The following AGTR1 variants were observed in gnomAD, a reference collection of about 807,000 sequenced individuals.
AGTR1 encodes angiotensin II receptor type 1.
AGTR1 carries 16 observed loss-of-function variants against 19.4 expected under a neutral mutation model. That is an observed-to-expected ratio of 0.82 (90% CI 0.56 to 1.25). The LOEUF is 1.25. Among genes scored for constraint, AGTR1 ranks in the 50% most tolerant of loss-of-function variants. AGTR1 has a pLI of 0.00. For missense variants in AGTR1, 373 were observed against 431.9 expected (o/e 0.86, Z 1.21); for synonymous variants, 153 against 154.9 (o/e 0.99, Z 0.09).
Position 148,741,891 on chromosome 3 carries a change from A to G in AGTR1, c.856A>G (p.Ile286Val), listed in dbSNP as rs1576542565. The G allele has an allele frequency of 6.2e-7, 1 of 1,614,182 alleles. No homozygotes were observed. Among genetic ancestry groups the G allele is most frequent in the Non-Finnish European group, 8.5e-7 (1 of 1,180,026 alleles). ...IADIVDTAMP[I>V]TICIAYFNNC... ...AGATATTGTGGACACGGCCATGCCTATCACCATTTGTATAGCTTATTTTAA... is the reference window on the plus strand; with the variant it reads ...AGATATTGTGGACACGGCCATGCCTGTCACCATTTGTATAGCTTATTTTAA... The change falls in exon 3 of 3, where the codon ATC becomes GTC. Residue 286 changes from isoleucine (I) to valine (V), a missense_variant. Physicochemically the swap from Ile to Val is conservative, Grantham distance 29. Coordinates refer to ENST00000349243, the MANE Select transcript of AGTR1 (RefSeq NM_000685.5).
Position 148,741,429 on chromosome 3 carries a change from C to A in AGTR1, c.394C>A (p.His132Asn), listed in dbSNP as rs773829709. The A allele has an allele frequency of 3.1e-6, 5 of 1,606,306 alleles. No homozygotes were observed. The highest frequency in any genetic ancestry group is 1.3e-5 in the African/African-American group (1 of 74,906). The change falls in exon 3 of 3, where the codon CAC becomes AAC. Residue 132 changes from histidine (H) to asparagine (N), a missense_variant. Coordinates refer to ENST00000349243, the MANE Select transcript of AGTR1 (RefSeq NM_000685.5). ...LSIDRYLAIVHPMKSRLRRTM... is the reference protein window; with the variant it reads ...LSIDRYLAIVNPMKSRLRRTM... The stretch of plus-strand genomic sequence containing the variant: ...CATTGATCGATACCTGGCTATTGTT[C>A]ACCCAATGAAGTCCCGCCTTCGACG...
At chr3:148,723,689 C>A (rs556704234) in intron 2 of AGTR1, among the ~76,000 whole-genome samples, 1 of 152,308 alleles carries the variant, frequency 6.6e-6, no homozygotes, top group East Asian at 1.9e-4. Flanking sequence ...CTGAAAGCTT[C>A]CTCAGACTGA....
intron 2 of AGTR1, among the ~76,000 whole-genome samples, chr3:148,734,609 G>C (rs989502751): frequency 3.3e-5 from 5 of 152,182 alleles, no homozygotes; most frequent in African/African-American, 9.7e-5. Flanking sequence ...TTTGCATTGA[G>C]AGAACTATTC....
intron 2 of AGTR1, among the ~76,000 whole-genome samples, chr3:148,736,847 G>C (rs1714595308): frequency 6.6e-6 from 1 of 152,216 alleles, no homozygotes; most frequent in South Asian, 2.1e-4. Context: ...GTAGGAAGAG[G>C]TGGATCCTCC....
intron 2 of AGTR1, 89 bp from the exon 3 acceptor site, chr3:148,740,900 T>G: frequency 1.7e-6 from 2 of 1,206,448 alleles, no homozygotes; most frequent in Non-Finnish European, 2.3e-6. Flanking sequence ...GTTGAGTTAC[T>G]ACGTTTATGA....
chr3:148,701,481 G>C (rs1450240903), intron 1 of AGTR1, among the ~76,000 whole-genome samples: 1 of 152,174 alleles, frequency 6.6e-6, no homozygotes, highest in Non-Finnish European at 1.5e-5. Context: ...TATAAATGCT[G>C]TATGATTACA....
intron 2 of AGTR1, among the ~76,000 whole-genome samples, chr3:148,710,873 T>C (rs982008113): frequency 6.6e-6 from 1 of 152,010 alleles, no homozygotes; most frequent in Non-Finnish European, 1.5e-5. Flanking sequence ...ATGAAAGAGT[T>C]CTTGCTCTGA....
At chr3:148,737,854 G>C (rs553344261) in intron 2 of AGTR1, among the ~76,000 whole-genome samples, 62 of 152,182 alleles carry the variant, frequency 4.1e-4, no homozygotes, top group African/African-American at 1.5e-3. Context: ...TTCTCATTAA[G>C]GTAATAATAC....
rs548136454 is a variant in AGTR1 at position 148,702,504 on chromosome 3, C to T, written c.-132+4377C>T. Among the ~76,000 whole-genome samples, 8 of 152,138 alleles carry T rather than the reference C, an allele frequency of 5.3e-5. No individual in the cohort carries two copies. In the East Asian group the frequency reaches 1.5e-3, roughly 29 times the overall value. ...GCCAAAGTATAAAAATGGTCTTTGC[C>T]GTAGAGAGATAGTAGTCAAGCTAAG... On this transcript the variant is annotated intron_variant, in intron 1 of 2. Transcript: ENST00000349243.
chr3:148,739,408 T>C (rs565146844), intron 2 of AGTR1, among the ~76,000 whole-genome samples: 4 of 150,736 alleles, frequency 2.7e-5, no homozygotes, highest in Admixed American at 1.3e-4. Flanking sequence ...GTCAAAGTGC[T>C]CAAAAAAGTT....
chr3:148,724,603 A>T (rs1346466872), intron 2 of AGTR1, among the ~76,000 whole-genome samples: 3 of 152,164 alleles, frequency 2.0e-5, no homozygotes, highest in Non-Finnish European at 2.9e-5. Context: ...TTGACCCATG[A>T]ATTTCTTTCT....
chr3:148,711,478 T>A (rs1034923089), intron 2 of AGTR1, among the ~76,000 whole-genome samples: 1 of 152,164 alleles, frequency 6.6e-6, no homozygotes, highest in Admixed American at 6.6e-5. Flanking sequence ...TGGAACCAGT[T>A]TGGAATTTTT....
At chr3:148,698,960 C>T (rs989407187) in intron 1 of AGTR1, among the ~76,000 whole-genome samples, 6 of 150,660 alleles carry the variant, frequency 4.0e-5, no homozygotes, top group African/African-American at 1.0e-4. Context: ...CTCAGCAATT[C>T]TTCCCCAAAG....
At position 148,741,324 on chromosome 3, in the gene AGTR1, G is replaced by A; in HGVS notation, c.289G>A (p.Gly97Ser). 6.2e-7 allele frequency: 1 copy of A among 1,609,806 alleles called. No homozygotes were observed. Among genetic ancestry groups the A allele is most frequent in the Non-Finnish European group, 8.5e-7 (1 of 1,179,950 alleles). Residue 97 changes from glycine (G) to serine (S), a missense_variant, in exon 3 of 3, where the codon GGC (glycine) becomes AGC (serine). Coordinates refer to ENST00000349243, the MANE Select transcript of AGTR1 (RefSeq NM_000685.5). ...YTAMEYRWPF[G>S]NYLCKIASAS... is the part of the protein sequence containing the mutation. ...AGCTATGGAATACCGCTGGCCCTTTGGCAATTACCTATGTAAGATTGCTTC... is the reference window on the plus strand; with the variant it reads ...AGCTATGGAATACCGCTGGCCCTTTAGCAATTACCTATGTAAGATTGCTTC...
chr3:148,728,578 T>A (rs145381192), intron 2 of AGTR1, among the ~76,000 whole-genome samples: 1 of 152,168 alleles, frequency 6.6e-6, no homozygotes, highest in Non-Finnish European at 1.5e-5. Flanking sequence ...CAGCATCTGA[T>A]AAGTAGTTAA....
chr3:148,741,757 T>C lies in AGTR1; in HGVS notation c.722T>C (p.Ile241Thr), dbSNP rs1278671622. ...CCAAGAAATGATGATATTTTTAAGA[T>C]AATTATGGCAATTGTGCTTTTCTTT... The part of the protein sequence containing the change: ...NKPRNDDIFK[I>T]IMAIVLFFFF... The change falls in exon 3 of 3, where the codon ATA becomes ACA. Residue 241 changes from isoleucine to threonine, a missense_variant. Coordinates refer to ENST00000349243, the MANE Select transcript of AGTR1 (RefSeq NM_000685.5). The C allele has an allele frequency of 6.2e-7, 1 of 1,613,706 alleles. No homozygotes were observed. The highest frequency in any genetic ancestry group is 8.5e-7 in the Non-Finnish European group (1 of 1,179,960).
At chr3:148,704,925 C>T (rs1168245492) in intron 1 of AGTR1, among the ~76,000 whole-genome samples, 1 of 152,180 alleles carries the variant, frequency 6.6e-6, no homozygotes, top group East Asian at 1.9e-4. Context: ...TCAGGTAGCA[C>T]TGACATTACA....
At chr3:148,714,720 C>T (rs1037984816) in intron 2 of AGTR1, among the ~76,000 whole-genome samples, 4 of 152,154 alleles carry the variant, frequency 2.6e-5, no homozygotes, top group Non-Finnish European at 5.9e-5. Context: ...ATGACTGGTT[C>T]TGTGGCAATG....
intron 2 of AGTR1, chr3:148,739,859 G>A (rs943238631): frequency 7.3e-6 from 9 of 1,231,876 alleles, no homozygotes; most frequent in South Asian, 4.1e-5. Context: ...TCCTGGTAGA[G>A]CAATAGGATC....
Sources: allele counts gnomAD v4.1 joint callset (sites outside exome capture counted in the v4.1 genomes callset), GRCh38; gene constraint gnomAD v4.1.1; transcripts MANE v1.5; gene names NCBI Gene and HGNC (gene_info 2026-07-23, HGNC 2026-07-21).